The following PPARGC1A variants were observed in gnomAD, a reference collection of about 807,000 sequenced individuals.
PPARGC1A encodes peroxisome proliferator-activated receptor gamma coactivator 1-alpha.
In PPARGC1A, 25 loss-of-function variants were observed where a neutral mutation model predicts 88.7. The observed-to-expected ratio is 0.28, with a 90% CI of 0.21 to 0.39. The LOEUF is 0.39. PPARGC1A is among the 10% of genes least tolerant of loss of function. PPARGC1A has a pLI of 1.00. For missense variants in PPARGC1A, 880 were observed against 968.7 expected, an observed-to-expected ratio of 0.91 and a Z score of 1.22; for synonymous variants, 363 against 355.6, an observed-to-expected ratio of 1.02 and a Z score of -0.24.
At chr4:23,937,579 C>T in the PPARGC1A span, among the ~76,000 whole-genome samples, 1 of 151,986 alleles carries the variant, frequency 6.6e-6, no homozygotes, top group African/African-American at 2.4e-5. Context: ...TTTGTTGACT[C>T]CTTTCAACAT....
the PPARGC1A span, among the ~76,000 whole-genome samples, chr4:23,937,852 C>T: frequency 1.3e-5 from 2 of 152,182 alleles, no homozygotes; most frequent in Non-Finnish European, 2.9e-5. Context: ...TCTGCCTCAT[C>T]ATCACAGTCC....
the PPARGC1A span, among the ~76,000 whole-genome samples, chr4:24,233,078 G>C: frequency 7.5e-4 from 113 of 150,684 alleles, no homozygotes; most frequent in Non-Finnish European, 1.3e-3. Context: ...GCCTGCCTTG[G>C]GCCCCCTTTC....
the PPARGC1A span, among the ~76,000 whole-genome samples, chr4:23,994,396 C>T: frequency 1.3e-5 from 2 of 151,944 alleles, no homozygotes; most frequent in Non-Finnish European, 2.9e-5. Flanking sequence ...TGAAAGCCTT[C>T]GAGGGGTTTG....
At chr4:24,433,879 T>C in the PPARGC1A span, among the ~76,000 whole-genome samples, 1 of 152,184 alleles carries the variant, frequency 6.6e-6, no homozygotes, top group Non-Finnish European at 1.5e-5. Flanking sequence ...CAGGACCAGA[T>C]GGTGTTCTCC....
At chr4:23,981,828 T>G in the PPARGC1A span, among the ~76,000 whole-genome samples, 2 of 152,134 alleles carry the variant, frequency 1.3e-5, no homozygotes, top group African/African-American at 4.8e-5. Context: ...CCCTCACGCT[T>G]TTTTTTGAGG....
chr4:24,428,232 C>T, the PPARGC1A span, among the ~76,000 whole-genome samples: 6 of 152,296 alleles, frequency 3.9e-5, no homozygotes, highest in South Asian at 6.2e-4. Context: ...GATATTCGCA[C>T]GCATCCCAGC....
the PPARGC1A span, among the ~76,000 whole-genome samples, chr4:24,189,796 C>T: frequency 6.6e-6 from 1 of 152,136 alleles, no homozygotes; most frequent in African/African-American, 2.4e-5. Context: ...AGCCCTATCT[C>T]TCTGTCACTG....
chr4:23,837,610 T>C (rs897169905), intron 2 of PPARGC1A, among the ~76,000 whole-genome samples: 5 of 152,102 alleles, frequency 3.3e-5, no homozygotes, highest in Non-Finnish European at 7.4e-5. Context: ...AAACAGCTAA[T>C]GAAGACAAAA....
At chr4:24,392,858 G>A in the PPARGC1A span, among the ~76,000 whole-genome samples, 3 of 152,068 alleles carry the variant, frequency 2.0e-5, no homozygotes, top group Non-Finnish European at 2.9e-5. Context: ...AGGACTGCTC[G>A]AGTATAAAAA....
the PPARGC1A span, among the ~76,000 whole-genome samples, chr4:24,336,294 A>G: frequency 6.6e-6 from 1 of 152,148 alleles, no homozygotes; most frequent in South Asian, 2.1e-4. Context: ...TGCTGCTGAG[A>G]AGAGACAGGG....
the PPARGC1A span, among the ~76,000 whole-genome samples, chr4:24,116,576 C>T: frequency 6.6e-6 from 1 of 152,162 alleles, no homozygotes; most frequent in Non-Finnish European, 1.5e-5. Flanking sequence ...CAGAACACAT[C>T]TCTAGAAGCT....
chr4:24,155,946 T>C, the PPARGC1A span, among the ~76,000 whole-genome samples: 1 of 152,186 alleles, frequency 6.6e-6, no homozygotes, highest in African/African-American at 2.4e-5. Context: ...AAAATGAGAA[T>C]GTATAGACCC....
intron 10 of PPARGC1A, among the ~76,000 whole-genome samples, chr4:23,808,264 A>AAAC (rs1720233097): frequency 6.6e-6 from 1 of 151,774 alleles, no homozygotes. Flanking sequence ...AAAAAAAAAA[A>AAAC]AAAACCCTGA....
the PPARGC1A span, among the ~76,000 whole-genome samples, chr4:24,409,011 G>A: frequency 1.3e-5 from 2 of 152,160 alleles, no homozygotes; most frequent in Non-Finnish European, 2.9e-5. Flanking sequence ...GTTGAGGAGG[G>A]GGGTAGAGTT....
intron 2 of PPARGC1A, among the ~76,000 whole-genome samples, chr4:23,864,387 G>C (rs533488256): frequency 6.6e-6 from 1 of 152,170 alleles, no homozygotes. Context: ...TAATTATCAT[G>C]GTTTCCGGCA....
chr4:24,284,154 C>T, the PPARGC1A span, among the ~76,000 whole-genome samples: 11 of 147,880 alleles, frequency 7.4e-5, no homozygotes, highest in Admixed American at 2.7e-4. Context: ...AAAAAATTAG[C>T]TGGGCGTGGT....
the PPARGC1A span, among the ~76,000 whole-genome samples, chr4:24,305,705 G>A: frequency 4.1e-4 from 63 of 152,204 alleles, 1 homozygote; most frequent in Admixed American, 3.3e-3. Flanking sequence ...CCAACTAATC[G>A]GGAGGCTGAG....
the PPARGC1A span, among the ~76,000 whole-genome samples, chr4:24,339,122 G>A: frequency 4.6e-5 from 7 of 151,224 alleles, no homozygotes; most frequent in East Asian, 2.0e-4. Flanking sequence ...CCTCATGTAA[G>A]TGGAATCACA....
At chr4:24,466,797 C>T in the PPARGC1A span, among the ~76,000 whole-genome samples, 1 of 145,378 alleles carries the variant, frequency 6.9e-6, no homozygotes, top group Non-Finnish European at 1.5e-5. Context: ...GCCTGTTGTC[C>T]CAGCTACTCA....
Sources: allele counts gnomAD v4.1 joint callset (sites outside exome capture counted in the v4.1 genomes callset), GRCh38; gene constraint gnomAD v4.1.1; transcripts MANE v1.5; gene names NCBI Gene and HGNC (gene_info 2026-07-23, HGNC 2026-07-21).